KIAA0319L: variants seen among roughly 807,000 people sequenced by gnomAD.
The protein encoded by KIAA0319L is KIAA0319 like.
Under a neutral mutation model 120.1 loss-of-function variants are expected in KIAA0319L, and 55 were observed. The ratio of observed to expected loss-of-function variants is 0.46; its 90% CI spans 0.37 to 0.57. KIAA0319L has a LOEUF of 0.57. Ranked by LOEUF, KIAA0319L falls within the 20% of genes least tolerant of loss-of-function variation. The probability of loss-of-function intolerance (pLI) is 0.00; values close to 1 mark genes in which losing one functional copy is unlikely to be tolerated. For synonymous variants in KIAA0319L, 398 were observed against 471.9 expected (o/e 0.84, Z 2.03); for missense variants, 1,049 against 1,255.3 (o/e 0.84, Z 2.48).
chr1:35,497,556 A>C (rs1242387682), intron 3 of KIAA0319L, among the ~76,000 whole-genome samples: 1 of 152,206 alleles, frequency 6.6e-6, no homozygotes, highest in East Asian at 1.9e-4. Context: ...ATAGACATAG[A>C]GATAGATATA....
intron 2 of KIAA0319L, among the ~76,000 whole-genome samples, chr1:35,551,335 T>C (rs1318699585): frequency 6.6e-6 from 1 of 152,196 alleles, no homozygotes; most frequent in Non-Finnish European, 1.5e-5. Flanking sequence ...TTTTTTCCTT[T>C]CAGATGGAGT....
At chr1:35,522,575 G>T (rs1645967977) in intron 2 of KIAA0319L, among the ~76,000 whole-genome samples, 1 of 152,118 alleles carries the variant, frequency 6.6e-6, no homozygotes, top group Admixed American at 6.5e-5. Flanking sequence ...ACTGTGCCCA[G>T]CCTATCCTTT....
intron 5 of KIAA0319L, among the ~76,000 whole-genome samples, chr1:35,472,091 C>G (rs1349065981): frequency 1.3e-5 from 2 of 152,204 alleles, no homozygotes; most frequent in African/African-American, 2.4e-5. Flanking sequence ...ATGTAGAAAA[C>G]AGTTTGGGAA....
chr1:35,502,373 G>A (rs931324507), intron 3 of KIAA0319L, among the ~76,000 whole-genome samples: 1 of 151,446 alleles, frequency 6.6e-6, no homozygotes, highest in African/African-American at 2.4e-5. Context: ...GGTTCTGAAT[G>A]GTACCTGGCA....
At chr1:35,504,726 T>C (rs1404186566) in intron 3 of KIAA0319L, among the ~76,000 whole-genome samples, 1 of 152,178 alleles carries the variant, frequency 6.6e-6, no homozygotes, top group Non-Finnish European at 1.5e-5. Context: ...TCTCGCCCTT[T>C]CCAGTCTACT....
At chr1:35,455,241 C>T (rs1035306390) in intron 10 of KIAA0319L, among the ~76,000 whole-genome samples, 1 of 152,182 alleles carries the variant, frequency 6.6e-6, no homozygotes, top group Admixed American at 6.5e-5. Flanking sequence ...TCTTGAAAAG[C>T]TGGGTTATCA....
At chr1:35,531,381 G>C (rs1286746055) in intron 2 of KIAA0319L, among the ~76,000 whole-genome samples, 1 of 152,212 alleles carries the variant, frequency 6.6e-6, no homozygotes, top group Non-Finnish European at 1.5e-5. Flanking sequence ...CCTCTAGGCA[G>C]ATACGAGGGA....
intron 2 of KIAA0319L, among the ~76,000 whole-genome samples, chr1:35,519,511 C>A (rs1012824019): frequency 1.3e-5 from 2 of 152,158 alleles, no homozygotes; most frequent in African/African-American, 4.8e-5. Context: ...CTTCCTGTTA[C>A]ATGAAATAAA....
chr1:35,547,446 A>C (rs1317364497), intron 2 of KIAA0319L, among the ~76,000 whole-genome samples: 2 of 152,090 alleles, frequency 1.3e-5, no homozygotes, highest in Non-Finnish European at 2.9e-5. Flanking sequence ...ATAAATGTTA[A>C]GAGCAACATT....
chr1:35,435,137 C>T (rs1278668120), intron 20 of KIAA0319L, 56 bp from the exon 21 acceptor site: 8 of 1,496,952 alleles, frequency 5.3e-6, no homozygotes, highest in Non-Finnish European at 7.4e-6. Flanking sequence ...GCTGGAGCCA[C>T]CCCCACACCT....
chr1:35,462,671 T>C lies in KIAA0319L; in HGVS notation c.1244A>G (p.Gln415Arg). 4.3e-6 allele frequency: 7 copies of C among 1,614,150 alleles called. No homozygotes were observed. The highest frequency in any genetic ancestry group is 5.9e-6 in the Non-Finnish European group (7 of 1,179,990). ...GGTTGGCAAAGAGATCTCCTGGAACTGAGGTGACACAATAGCAATGGGGGG... is the reference window on the plus strand; with the variant it reads ...GGTTGGCAAAGAGATCTCCTGGAACCGAGGTGACACAATAGCAATGGGGGG... ...NRPPIAIVSP[Q>R]FQEISLPTTS... is the part of the protein sequence containing the mutation. The change falls in exon 8 of 21, where the codon CAG becomes CGG. Residue 415 changes from glutamine to arginine, a missense_variant. Coordinates refer to ENST00000325722, the MANE Select transcript of KIAA0319L (RefSeq NM_024874.5).
At chr1:35,449,845 C>T (rs766608995) in intron 15 of KIAA0319L, 22 bp downstream of exon 15, 1 of 1,613,252 alleles carries the variant, frequency 6.2e-7, no homozygotes, top group Admixed American at 1.7e-5. Flanking sequence ...TTCTACTCAG[C>T]CTCATCACTA....
In KIAA0319L at chr1:35,442,535, C is replaced by T. The variant is rs1312410686; in HGVS notation, c.2780-199G>A. Among the ~76,000 whole-genome samples, 12 of 152,306 alleles carry T rather than the reference C, an allele frequency of 7.9e-5. No homozygotes were observed. In the East Asian group the frequency reaches 2.1e-3, roughly 27 times the overall value. On this transcript the variant is annotated intron_variant, in intron 18 of 20. Transcript: ENST00000325722. The stretch of plus-strand genomic sequence containing the variant: ...TGTCCCTGCTTTCCAGTCCCTGCTC[C>T]TGGCAAGCCCTGAGACCCTGCAGCA...
At chr1:35,546,297 T>C (rs1176434893) in intron 2 of KIAA0319L, among the ~76,000 whole-genome samples, 1 of 152,118 alleles carries the variant, frequency 6.6e-6, no homozygotes, top group Non-Finnish European at 1.5e-5. Context: ...CAAAGCATGG[T>C]GTAACTTAAG....
At chr1:35,545,306 G>A (rs980513618) in intron 2 of KIAA0319L, among the ~76,000 whole-genome samples, 2 of 152,124 alleles carry the variant, frequency 1.3e-5, no homozygotes, top group Admixed American at 6.5e-5. Flanking sequence ...CACCAGCAGA[G>A]ACACCAGAAA....
chr1:35,451,180 A>AG (rs1298895069), intron 13 of KIAA0319L, among the ~76,000 whole-genome samples: 2 of 152,222 alleles, frequency 1.3e-5, no homozygotes, highest in East Asian at 3.9e-4. Flanking sequence ...GGCTGGCCTC[A>AG]GCTCAAAGGC....
intron 2 of KIAA0319L, among the ~76,000 whole-genome samples, chr1:35,512,147 G>A (rs146994243): frequency 0.025 from 3,783 of 152,090 alleles, 79 homozygotes; most frequent in Non-Finnish European, 0.038. Context: ...GCACACATCT[G>A]TAATCCCAGT....
intron 3 of KIAA0319L, among the ~76,000 whole-genome samples, chr1:35,484,034 G>C (rs1379057294): frequency 1.3e-5 from 2 of 152,074 alleles, no homozygotes; most frequent in Non-Finnish European, 2.9e-5. Context: ...ATTATATTAA[G>C]GGCCCACCCT....
intron 2 of KIAA0319L, among the ~76,000 whole-genome samples, chr1:35,540,889 T>C (rs1007996742): frequency 6.6e-6 from 1 of 152,178 alleles, no homozygotes; most frequent in Non-Finnish European, 1.5e-5. Flanking sequence ...ATTAACAGAC[T>C]GCAAGCTTCA....
Sources: gnomAD v4.1 joint callset for allele counts (sites outside exome capture counted in the v4.1 genomes callset) on GRCh38, gnomAD v4.1.1 for gene constraint, MANE v1.5 for transcripts, NCBI Gene and HGNC (gene_info 2026-07-23, HGNC 2026-07-21) for gene names.